Variants in MEIS2 observed in about 807,000 individuals in gnomAD.
MEIS2 encodes homeobox protein Meis2.
In MEIS2, 9 loss-of-function variants were observed where a neutral mutation model predicts 58.6. That is an observed-to-expected ratio of 0.15 (90% CI 0.09 to 0.27). The LOEUF (loss-of-function observed/expected upper bound fraction) is 0.27. Ranked by LOEUF, MEIS2 falls within the 10% of genes least tolerant of loss-of-function variation. MEIS2 has a pLI of 1.00. For synonymous variants in MEIS2, 221 were observed against 228.4 expected, an observed-to-expected ratio of 0.97 and a Z score of 0.29; for missense variants, 427 against 635.0, an observed-to-expected ratio of 0.67 and a Z score of 3.52.
chr15:36,966,413 C>T (rs1172682222), intron 8 of MEIS2, among the ~76,000 whole-genome samples: 1 of 152,208 alleles, frequency 6.6e-6, no homozygotes, highest in South Asian at 2.1e-4. Flanking sequence ...ATCTTAGTAT[C>T]GCATCACCAG....
chr15:37,028,543 C>T lies in MEIS2; in HGVS notation c.900+8271G>A, dbSNP rs533119425. On this transcript the variant is annotated intron_variant, in intron 8 of 11. Transcript: ENST00000561208. The stretch of plus-strand genomic sequence containing the variant: ...TCCAACACGACATTAAATTTTTGGC[C>T]TGTCTCTTTAATTTGAGAAATTGTA... Among the ~76,000 whole-genome samples, 11 of 152,320 alleles carry T rather than the reference C, an allele frequency of 7.2e-5. No homozygotes were observed. The South Asian group carries it at 1.7e-3, about 23-fold the overall frequency.
At chr15:36,972,595 T>G (rs112786234) in intron 8 of MEIS2, among the ~76,000 whole-genome samples, 7 of 152,188 alleles carry the variant, frequency 4.6e-5, no homozygotes, top group South Asian at 2.1e-4. Flanking sequence ...ATGTGTCTTA[T>G]GCCTTTTAAA....
At chr15:37,038,531 C>T (rs540814222) in intron 7 of MEIS2, among the ~76,000 whole-genome samples, 1 of 152,132 alleles carries the variant, frequency 6.6e-6, no homozygotes, top group Admixed American at 6.5e-5. Flanking sequence ...AAGAGATGAC[C>T]CTCACTATTT....
intron 8 of MEIS2, among the ~76,000 whole-genome samples, chr15:36,990,768 C>A (rs978565434): frequency 1.3e-5 from 2 of 148,280 alleles, no homozygotes; most frequent in African/African-American, 2.5e-5. Context: ...ATTTTTAGTA[C>A]AATAATTTCA....
chr15:37,097,975 C>T lies in MEIS2; in HGVS notation c.237G>A (p.Ala79=), dbSNP rs1349133404. ...CCGGGGGGTCAGTTTACCCATAGATCGCGTCCTTGTCCCGCTTCAAGGCGT... is the reference window on the plus strand; with the variant it reads ...CCGGGGGGTCAGTTTACCCATAGATTGCGTCCTTGTCCCGCTTCAAGGCGT... ...VNDALKRDKD[A]IYGHPLFPLL... The change falls in exon 2 of 12, where the codon GCG becomes GCA. Residue 79 remains alanine, a synonymous_variant. Transcript: ENST00000561208. The T allele has an allele frequency of 3.8e-6, 6 of 1,597,750 alleles. No individual in the cohort carries two copies. The highest frequency in any genetic ancestry group is 3.4e-5 in the Admixed American group (2 of 59,252).
chr15:37,081,430 ATAAT>A (rs1892189368), intron 7 of MEIS2, among the ~76,000 whole-genome samples: 1 of 152,206 alleles, frequency 6.6e-6, no homozygotes, highest in South Asian at 2.1e-4. Context: ...CCTGAAGCAG[ATAAT>A]TAATCTTTCC....
intron 7 of MEIS2, among the ~76,000 whole-genome samples, chr15:37,056,808 C>T (rs1888486740): frequency 6.6e-6 from 1 of 152,226 alleles, no homozygotes; most frequent in South Asian, 2.1e-4. Context: ...CTGACCCCCA[C>T]CCTGGGCACA....
intron 7 of MEIS2, among the ~76,000 whole-genome samples, chr15:37,075,517 GC>G (rs1891284180): frequency 1.3e-5 from 2 of 152,076 alleles, no homozygotes; most frequent in South Asian, 4.1e-4. Flanking sequence ...TTATGTTCAG[GC>G]ACACATCAGT....
chr15:37,064,559 G>C (rs1055326344), intron 7 of MEIS2, among the ~76,000 whole-genome samples: 3 of 152,110 alleles, frequency 2.0e-5, no homozygotes, highest in Admixed American at 6.6e-5. Context: ...ATTTCTTACT[G>C]CTATGCAAAA....
In MEIS2 at chr15:36,992,575, T is replaced by C. The variant is rs183483782; in HGVS notation, c.901-42175A>G. ...TGTTGTCAACATGCTAGTTCATAGA[T>C]ATATTTGGGAAAACTTGGCCCACAT... On this transcript the variant is annotated intron_variant, in intron 8 of 11. Coordinates refer to ENST00000561208, the MANE Select transcript of MEIS2 (RefSeq NM_170675.5). 3.0e-3 allele frequency among the ~76,000 whole-genome samples: 457 copies of C among 152,270 alleles called. 3 individuals carry two copies. The highest frequency in any genetic ancestry group is 0.01 in the African/African-American group (435 of 41,552).
chr15:37,048,032 A>G (rs1339650317), intron 7 of MEIS2, among the ~76,000 whole-genome samples: 1 of 152,206 alleles, frequency 6.6e-6, no homozygotes, highest in Non-Finnish European at 1.5e-5. Flanking sequence ...GACTATTTTT[A>G]GCGTTGTGAA....
chr15:37,093,934 C>T (rs1893865965), intron 5 of MEIS2: 1 of 576,486 alleles, frequency 1.7e-6, no homozygotes, highest in South Asian at 2.5e-5. Context: ...AGATATTATT[C>T]TCCAGAGACT....
intron 8 of MEIS2, among the ~76,000 whole-genome samples, chr15:36,994,180 A>T (rs1180072510): frequency 2.0e-5 from 3 of 152,168 alleles, no homozygotes; most frequent in Non-Finnish European, 4.4e-5. Context: ...GACTGTATAA[A>T]TATACTGTAG....
intron 8 of MEIS2, among the ~76,000 whole-genome samples, chr15:37,011,165 T>G (rs1286738088): frequency 6.6e-6 from 1 of 152,240 alleles, no homozygotes; most frequent in Non-Finnish European, 1.5e-5. Flanking sequence ...TTAGGGATAT[T>G]ATATCACACA....
At chr15:36,963,992 T>A (rs531801328) in intron 8 of MEIS2, among the ~76,000 whole-genome samples, 1 of 152,216 alleles carries the variant, frequency 6.6e-6, no homozygotes, top group South Asian at 2.1e-4. Flanking sequence ...GCATAAAACC[T>A]GTCAGCAAGG....
chr15:36,899,654 G>A (rs2056368047), intron 9 of MEIS2, among the ~76,000 whole-genome samples: 1 of 152,102 alleles, frequency 6.6e-6, no homozygotes, highest in South Asian at 2.1e-4. Flanking sequence ...AAGCTAAGTT[G>A]AAAATCAACT....
chr15:37,029,680 C>T (rs1298368801), intron 8 of MEIS2, among the ~76,000 whole-genome samples: 1 of 152,094 alleles, frequency 6.6e-6, no homozygotes, highest in Non-Finnish European at 1.5e-5. Flanking sequence ...ACCAGAATAC[C>T]TAACATCTGT....
chr15:37,098,306 G>A, intron 1 of MEIS2, 107 bp from the exon 2 acceptor site: 1 of 1,367,552 alleles, frequency 7.3e-7, no homozygotes, highest in African/African-American at 1.5e-5. Context: ...AGAAAAGAGA[G>A]GAAGGGATAA....
intron 9 of MEIS2, among the ~76,000 whole-genome samples, chr15:36,904,858 A>G (rs2056652030): frequency 6.6e-6 from 1 of 152,218 alleles, no homozygotes; most frequent in Non-Finnish European, 1.5e-5. Context: ...AATCTACATA[A>G]GACATGTGCA....
Sources: gnomAD v4.1 joint callset for allele counts (sites outside exome capture counted in the v4.1 genomes callset) on GRCh38, gnomAD v4.1.1 for gene constraint, MANE v1.5 for transcripts, NCBI Gene and HGNC (gene_info 2026-07-23, HGNC 2026-07-21) for gene names.